Variants in MCTP1 observed in about 807,000 individuals in gnomAD.
The protein encoded by MCTP1 is multiple C2 and transmembrane domain-containing protein 1.
Under a neutral mutation model 120.6 loss-of-function variants are expected in MCTP1, and 69 were observed. The observed-to-expected ratio is 0.57, with a 90% confidence interval of 0.47 to 0.70. MCTP1 has a LOEUF of 0.70. Among genes scored for constraint, MCTP1 ranks in the 30% least tolerant of loss-of-function variants. MCTP1 has a pLI of 0.00. For missense variants in MCTP1, 1,203 were observed against 1,248.8 expected (o/e 0.96, Z 0.55); for synonymous variants, 529 against 493.1 (o/e 1.07, Z -0.96).
At chr5:95,116,601 C>A (rs1374719677) in intron 1 of MCTP1, among the ~76,000 whole-genome samples, 1 of 151,632 alleles carries the variant, frequency 6.6e-6, no homozygotes, top group Non-Finnish European at 1.5e-5. Context: ...ATGGGAATAG[C>A]ATAAAATCTA....
intron 1 of MCTP1, among the ~76,000 whole-genome samples, chr5:95,258,679 A>G (rs900090587): frequency 6.6e-6 from 1 of 152,240 alleles, no homozygotes; most frequent in Non-Finnish European, 1.5e-5. Flanking sequence ...TCTCTGCCCT[A>G]TATTTGCGAT....
At chr5:94,872,249 G>GATA (rs1209687306) in intron 13 of MCTP1, among the ~76,000 whole-genome samples, 1 of 152,014 alleles carries the variant, frequency 6.6e-6, no homozygotes, top group Admixed American at 6.6e-5. Flanking sequence ...TAATGGCTTT[G>GATA]ATAATAATCA....
At chr5:94,992,589 G>C (rs937807315) in intron 2 of MCTP1, among the ~76,000 whole-genome samples, 6 of 152,164 alleles carry the variant, frequency 3.9e-5, no homozygotes, top group African/African-American at 1.4e-4. Context: ...GCAGCCACAG[G>C]AGTGCGTTTG....
intron 1 of MCTP1, among the ~76,000 whole-genome samples, chr5:95,063,825 A>ATT (rs11380739): frequency 2.6e-5 from 4 of 151,002 alleles, no homozygotes; most frequent in Admixed American, 1.3e-4. Flanking sequence ...CATTTTTTAT[A>ATT]TTTTTTATTA....
chr5:94,897,002 A>G (rs1201974163), intron 10 of MCTP1, among the ~76,000 whole-genome samples: 1 of 152,154 alleles, frequency 6.6e-6, no homozygotes, highest in African/African-American at 2.4e-5. Context: ...CATGCATCCC[A>G]GGAAGAAGCA....
At chr5:94,836,538 T>A (rs1199869974) in intron 17 of MCTP1, among the ~76,000 whole-genome samples, 1 of 152,214 alleles carries the variant, frequency 6.6e-6, no homozygotes, top group Admixed American at 6.5e-5. Context: ...CAACTTAGAT[T>A]CTTTATAAAG....
intron 1 of MCTP1, among the ~76,000 whole-genome samples, chr5:95,242,055 A>G (rs565960313): frequency 1.3e-5 from 2 of 152,316 alleles, no homozygotes; most frequent in East Asian, 3.9e-4. Context: ...AAGTCCTCAG[A>G]GAAATGCTTA....
At position 94,710,848 on chromosome 5, in the gene MCTP1, T is replaced by C. The variant is rs1195247646; in HGVS notation, c.2800A>G (p.Ile934Val). ...LCVFTAILYC[I>V]PLRYIVLVWG... ...ACAAGGACAATGTATCTCAGCGGAA[T>C]GCAGTACAGGATGGCTGTGAACACA... The change falls in exon 21 of 23, where the codon ATT becomes GTT. Residue 934 changes from isoleucine (I) to valine (V), a missense_variant. Ile to Val is a conservative substitution (Grantham distance 29, BLOSUM62 3). This residue lies in a region of MCTP1 where 740 missense variants were observed against 871.1 expected (regional missense o/e 0.85). Coordinates refer to ENST00000515393, the MANE Select transcript of MCTP1 (RefSeq NM_024717.7). The C allele has an allele frequency of 1.2e-6, 2 of 1,612,726 alleles. No individual in the cohort carries two copies. The highest frequency in any genetic ancestry group is 1.7e-5 in the Admixed American group (1 of 59,878).
chr5:94,988,270 G>C (rs2063335705), intron 2 of MCTP1, among the ~76,000 whole-genome samples: 1 of 151,520 alleles, frequency 6.6e-6, no homozygotes, highest in Admixed American at 6.6e-5. Flanking sequence ...TAGGAAGAGA[G>C]ATGTCTTTAA....
At chr5:94,850,174 G>C (rs1296271881) in intron 17 of MCTP1, among the ~76,000 whole-genome samples, 3 of 152,116 alleles carry the variant, frequency 2.0e-5, no homozygotes, top group African/African-American at 7.2e-5. Flanking sequence ...ATTTCAGAAA[G>C]AGGCCTCATG....
intron 1 of MCTP1, among the ~76,000 whole-genome samples, chr5:95,065,326 C>T (rs1750380703): frequency 1.3e-5 from 2 of 151,674 alleles, no homozygotes; most frequent in Admixed American, 1.3e-4. Context: ...AAAAAACTGG[C>T]AAATCTCAAT....
chr5:94,952,696 CTTTCT>C (rs1820929777), intron 3 of MCTP1, among the ~76,000 whole-genome samples: 1 of 152,172 alleles, frequency 6.6e-6, no homozygotes. Flanking sequence ...AAGTTCTTCT[CTTTCT>C]TTTAATTACA....
At chr5:95,194,763 A>T (rs940606957) in intron 1 of MCTP1, among the ~76,000 whole-genome samples, 6 of 152,200 alleles carry the variant, frequency 3.9e-5, no homozygotes, top group African/African-American at 1.4e-4. Flanking sequence ...GCTGGCTTCA[A>T]ATGTGGGCTG....
intron 17 of MCTP1, among the ~76,000 whole-genome samples, chr5:94,838,436 A>G (rs751430322): frequency 1.3e-5 from 2 of 152,234 alleles, no homozygotes; most frequent in Non-Finnish European, 2.9e-5. Flanking sequence ...TATGGAGGAC[A>G]TGTGGGAGAC....
intron 13 of MCTP1, 106 bp downstream of exon 13, chr5:94,873,033 T>C (rs1798113408): frequency 1.4e-6 from 1 of 711,350 alleles, no homozygotes; most frequent in Non-Finnish European, 2.5e-6. Flanking sequence ...ATGCATTGAG[T>C]TGTGAATCAG....
Position 95,284,207 on chromosome 5 carries a change from G to T in MCTP1, c.369C>A (p.Arg123=). 1 of 1,566,120 alleles carries T rather than the reference G, an allele frequency of 6.4e-7. No homozygotes were observed. The highest frequency in any genetic ancestry group is 1.2e-5 in the South Asian group (1 of 86,010). ...GRAEQGSTLR[R]RIREHLLPAV... is the part of the protein sequence containing the mutation. ...CGGGGAGCAAATGCTCGCGGATCCG[G>T]CGGCGTAGCGTGGACCCCTGCTCGG... Residue 123 remains arginine (R), a synonymous_variant, in exon 1 of 23, where the codon CGC becomes CGA. Coordinates refer to ENST00000515393, the MANE Select transcript of MCTP1 (RefSeq NM_024717.7). This position sits in a 1 kb window ranked among gnomAD's most constrained non-coding sequence, Gnocchi z 5.2.
intron 1 of MCTP1, among the ~76,000 whole-genome samples, chr5:95,097,067 C>T (rs1212243135): frequency 1.3e-5 from 2 of 151,670 alleles, no homozygotes. Context: ...AACTTTTTCC[C>T]CTGATTATAT....
At chr5:95,003,456 G>A (rs185703901) in intron 2 of MCTP1, among the ~76,000 whole-genome samples, 5 of 152,248 alleles carry the variant, frequency 3.3e-5, no homozygotes, top group South Asian at 2.1e-4. Context: ...TGATGTTCAC[G>A]CAACAATAAA....
At chr5:94,752,959 C>T (rs1768852333) in intron 19 of MCTP1, among the ~76,000 whole-genome samples, 1 of 152,206 alleles carries the variant, frequency 6.6e-6, no homozygotes, top group Admixed American at 6.5e-5. Context: ...ACAGAAAGCC[C>T]TCATCCAAGT....
Sources: allele counts gnomAD v4.1 joint callset (sites outside exome capture counted in the v4.1 genomes callset), GRCh38; gene constraint gnomAD v4.1.1; regional missense constraint gnomAD v4.1.1; non-coding constraint Gnocchi (gnomAD v3.1); transcripts MANE v1.5; gene names NCBI Gene and HGNC (gene_info 2026-07-23, HGNC 2026-07-21).